Variants in KDM4C observed in about 807,000 individuals in gnomAD.
KDM4C encodes the protein lysine-specific demethylase 4C.
In KDM4C, 81 loss-of-function variants were observed where a neutral mutation model predicts 129.3. The ratio of observed to expected loss-of-function variants is 0.63; its 90% CI spans 0.52 to 0.75. KDM4C has a LOEUF of 0.75. Among genes scored for constraint, KDM4C ranks in the 30% least tolerant of loss-of-function variants. The probability of loss-of-function intolerance (pLI) is 0.00; values close to 1 mark genes in which losing one functional copy is unlikely to be tolerated. For missense variants in KDM4C, 1,457 were observed against 1,304.0 expected (o/e 1.12, Z -1.81); for synonymous variants, 573 against 456.1 (o/e 1.26, Z -3.26).
At chr9:7,092,732 A>C (rs934616366) in intron 17 of KDM4C, among the ~76,000 whole-genome samples, 13 of 152,190 alleles carry the variant, frequency 8.5e-5, no homozygotes, top group African/African-American at 3.1e-4. Flanking sequence ...AAAGTCCTGG[A>C]GGTGATAGAA....
intron 5 of KDM4C, among the ~76,000 whole-genome samples, chr9:6,878,868 A>T (rs1243315685): frequency 6.6e-6 from 1 of 152,178 alleles, no homozygotes; most frequent in African/African-American, 2.4e-5. Flanking sequence ...TAAGCCAGGA[A>T]TTAAGAACTG....
At chr9:6,965,778 G>A (rs1830856773) in intron 8 of KDM4C, among the ~76,000 whole-genome samples, 1 of 152,140 alleles carries the variant, frequency 6.6e-6, no homozygotes, top group Admixed American at 6.5e-5. Flanking sequence ...CCCACTTGAG[G>A]GAGAGACATC....
intron 1 of KDM4C, among the ~76,000 whole-genome samples, chr9:6,761,735 C>G (rs1035321934): frequency 1.3e-4 from 20 of 152,192 alleles, no homozygotes; most frequent in African/African-American, 4.8e-4. Flanking sequence ...TTTGATTAAG[C>G]TCAATATCTA....
chr9:7,073,842 G>T (rs958608650), intron 17 of KDM4C, among the ~76,000 whole-genome samples: 18 of 152,120 alleles, frequency 1.2e-4, no homozygotes, highest in Admixed American at 4.6e-4. Context: ...CAAACAGTTG[G>T]TCTGTCAGAG....
intron 5 of KDM4C, among the ~76,000 whole-genome samples, chr9:6,851,305 T>G (rs866591061): frequency 1.5e-4 from 23 of 152,192 alleles, no homozygotes; most frequent in African/African-American, 5.3e-4. Context: ...GGGCCTGGTT[T>G]GAGCACATGC....
At chr9:7,020,657 A>T (rs1420607325) in intron 15 of KDM4C, among the ~76,000 whole-genome samples, 1 of 152,070 alleles carries the variant, frequency 6.6e-6, no homozygotes, top group African/African-American at 2.4e-5. Flanking sequence ...ACTACTTTTT[A>T]AAAAATATTT....
Position 7,156,971 on chromosome 9 carries a change from C to T in KDM4C, c.2782-8267C>T, listed in dbSNP as rs189361378. ...TGTAGCCATTTGCACAATATTGATT[C>T]TTCCTATCCATGAGCATGGAATGTT... On this transcript the variant is annotated intron_variant, in intron 19 of 21. Transcript: ENST00000381309. Among the ~76,000 whole-genome samples, 7 of 152,332 alleles carry T rather than the reference C, an allele frequency of 4.6e-5. No individual in the cohort carries two copies. The East Asian group carries it at 1.3e-3, about 29-fold the overall frequency.
rs1231544060 is a variant in KDM4C, at chr9:6,856,401, C to G, written c.629+6701C>G. Among the ~76,000 whole-genome samples, 3 of 152,078 alleles carry G rather than the reference C, an allele frequency of 2.0e-5. No homozygotes were observed. The South Asian group carries it at 6.2e-4, about 32-fold the overall frequency. On this transcript the variant is annotated intron_variant, in intron 5 of 21. Transcript: ENST00000381309. ...AATGCACTTAGAATTAACCATGGTT[C>G]ATTTTGGTTTTAATTGCTTTTTCTA...
intron 8 of KDM4C, among the ~76,000 whole-genome samples, chr9:6,933,827 G>A (rs534628935): frequency 1.3e-5 from 2 of 151,910 alleles, no homozygotes; most frequent in African/African-American, 4.8e-5. Flanking sequence ...TTTTTTTCCA[G>A]GTCTTCCTGA....
At chr9:6,805,801 G>C in intron 3 of KDM4C, 27 bp downstream of exon 3, 12 of 1,585,052 alleles carry the variant, frequency 7.6e-6, no homozygotes, top group Non-Finnish European at 1.0e-5. Context: ...TGCTATTTCT[G>C]TTTCCTTCAA....
At chr9:7,092,406 CT>C (rs1835910263) in intron 17 of KDM4C, among the ~76,000 whole-genome samples, 1 of 152,156 alleles carries the variant, frequency 6.6e-6, no homozygotes, top group African/African-American at 2.4e-5. Flanking sequence ...CAAGTGTTAC[CT>C]TTATTACAAA....
intron 15 of KDM4C, among the ~76,000 whole-genome samples, chr9:7,021,623 T>C (rs935550464): frequency 1.3e-5 from 2 of 152,242 alleles, no homozygotes; most frequent in African/African-American, 4.8e-5. Flanking sequence ...GTCTCTTCAC[T>C]GTGTTTTTCT....
chr9:6,885,911 AT>A (rs1471553868), intron 6 of KDM4C, among the ~76,000 whole-genome samples: 3 of 152,354 alleles, frequency 2.0e-5, no homozygotes, highest in Middle Eastern at 3.4e-3. Context: ...AGGTTAACTT[AT>A]GACCAGTCAC....
chr9:6,919,537 G>GTCTT (rs774364572), intron 8 of KDM4C, among the ~76,000 whole-genome samples: 1 of 94,864 alleles, frequency 1.1e-5, no homozygotes, highest in Non-Finnish European at 2.2e-5. Context: ...TCATCTGTCT[G>GTCTT]TCTGTCTGTC....
chr9:6,726,926 G>C (rs1817150496), intron 1 of KDM4C: 1 of 151,994 alleles, frequency 6.6e-6, no homozygotes, highest in South Asian at 2.1e-4. Flanking sequence ...GTAGAGATAG[G>C]ATTTCGCCAT....
chr9:6,990,483 C>T lies in KDM4C; in HGVS notation c.1745C>T (p.Ser582Phe). 6.2e-7 allele frequency: 1 copy of T among 1,612,820 alleles called. No homozygotes were observed. Among genetic ancestry groups the T allele is most frequent in the African/African-American group, 1.3e-5 (1 of 74,696 alleles). The change falls in exon 12 of 22, where the codon TCT (serine) becomes TTT (phenylalanine). Residue 582 changes from serine to phenylalanine, a missense_variant. By Grantham distance (155) the Ser-to-Phe change is radical. Transcript: ENST00000381309. ...RHPLSRPPAR[S>F]PMTLVKQQAP... is the part of the protein sequence containing the mutation. ...CCACTTAGCAGGCCTCCAGCAAGAT[C>T]TCCGATGACTCTTGTGAAGCAGCAG... is the stretch of plus-strand genomic sequence containing the variant.
rs761092067 is a variant in KDM4C, at chr9:7,049,111, G to A, written c.2335G>A (p.Ala779Thr). ...KNNKWAHVMC[A>T]VAVPEVRFTN... ...CTGTAGGTGGGCCCATGTCATGTGC[G>A]CCGTTGCGGTCCCAGAAGTTCGATT... is the stretch of plus-strand genomic sequence containing the variant. The change falls in exon 17 of 22, where the codon GCC becomes ACC. Residue 779 changes from alanine to threonine, a missense_variant. Transcript: ENST00000381309. The A allele has an allele frequency of 4.3e-6, 7 of 1,611,796 alleles. No individual in the cohort carries two copies. Among genetic ancestry groups the A allele is most frequent in the Admixed American group, 3.3e-5 (2 of 59,900 alleles).
intron 8 of KDM4C, among the ~76,000 whole-genome samples, chr9:6,959,922 G>A (rs1417922679): frequency 2.5e-5 from 2 of 79,990 alleles, no homozygotes; most frequent in South Asian, 1.4e-3. Context: ...GACAACAGCT[G>A]TGGTATAAAA....
At chr9:7,076,000 C>G (rs1159593195) in intron 17 of KDM4C, among the ~76,000 whole-genome samples, 1 of 152,126 alleles carries the variant, frequency 6.6e-6, no homozygotes, top group Non-Finnish European at 1.5e-5. Context: ...AGCAACACAG[C>G]TTATGGGATA....
Sources: allele counts gnomAD v4.1 joint callset (sites outside exome capture counted in the v4.1 genomes callset), GRCh38; gene constraint gnomAD v4.1.1; transcripts MANE v1.5; gene names NCBI Gene and HGNC (gene_info 2026-07-23, HGNC 2026-07-21).